AP2A1: variants seen among roughly 807,000 people sequenced by gnomAD.
The protein encoded by AP2A1 is AP-2 complex subunit alpha-1.
AP2A1 carries 21 observed loss-of-function variants against 107.3 expected under a neutral mutation model. The ratio of observed to expected loss-of-function variants is 0.20; its 90% CI spans 0.14 to 0.28. The LOEUF (loss-of-function observed/expected upper bound fraction) is 0.28, where lower values mean the gene tolerates loss of function less well. Ranked by LOEUF, AP2A1 falls within the 10% of genes least tolerant of loss-of-function variation. AP2A1 has a pLI of 1.00. For synonymous variants in AP2A1, 602 were observed against 564.8 expected (o/e 1.07, Z -0.93); for missense variants, 873 against 1,307.7 (o/e 0.67, Z 5.13).
intron 7 of AP2A1, 73 bp downstream of exon 7, chr19:49,795,811 G>T: frequency 8.7e-7 from 1 of 1,154,280 alleles, no homozygotes; most frequent in South Asian, 1.3e-5. Context: ...GCTCCACGGC[G>T]CACCAGGTGG....
intron 4 of AP2A1, among the ~76,000 whole-genome samples, chr19:49,787,703 T>C (rs2073091062): frequency 6.6e-6 from 1 of 151,988 alleles, no homozygotes; most frequent in South Asian, 2.1e-4. Flanking sequence ...TTGATGATGC[T>C]GTGCAACAAC....
intron 1 of AP2A1, among the ~76,000 whole-genome samples, chr19:49,770,530 C>T (rs995995586): frequency 3.3e-5 from 5 of 152,126 alleles, no homozygotes; most frequent in African/African-American, 9.7e-5. Flanking sequence ...TACCTGGACA[C>T]GGATGTTCAC....
Position 49,807,023 on chromosome 19 carries a change from C to CCCA in AP2A1, c.*266_*267insCAC. On this transcript the variant is annotated 3_prime_UTR_variant, in exon 23 of 23. Transcript: ENST00000354293. ...GGCCAGGGAAGTGGATGTCTCCTCCCCTCCCACCCCACCCTGTTGTAGCCC... is the reference window on the plus strand; with the variant it reads ...GGCCAGGGAAGTGGATGTCTCCTCCCCCACTCCCACCCCACCCTGTTGTAGCCC... The CCCA allele has an allele frequency of 6.8e-7, 1 of 1,459,976 alleles. No homozygotes were observed. Among genetic ancestry groups the CCCA allele is most frequent in the Non-Finnish European group, 9.2e-7 (1 of 1,083,712 alleles). The allele number at this position is 1,459,976 out of a possible 1,614,324, so 90.4% of individuals were successfully genotyped here.
chr19:49,776,605 C>T (rs1600217465), intron 1 of AP2A1, among the ~76,000 whole-genome samples: 1 of 149,292 alleles, frequency 6.7e-6, no homozygotes, highest in East Asian at 2.0e-4. Flanking sequence ...GGCTTGCTTG[C>T]CTCCTGTGAC....
intron 11 of AP2A1, 134 bp from the exon 12 acceptor site, chr19:49,800,827 A>C (rs2123749249): frequency 1.5e-6 from 1 of 664,708 alleles, no homozygotes; most frequent in Non-Finnish European, 2.5e-6. Flanking sequence ...CCTTTCTGTG[A>C]CTCAGTTTCC....
In AP2A1 at chr19:49,805,648, T is replaced by C; in HGVS notation, c.2469-13T>C. 6.4e-7 allele frequency: 1 copy of C among 1,557,570 alleles called. No individual in the cohort carries two copies. Among genetic ancestry groups the C allele is most frequent in the South Asian group, 1.2e-5 (1 of 84,474 alleles). ...GGGCGGGGCCTAATGGAGCCTCCCT[T>C]TCACCTCATCAGGTACGGTGGCGCC... On this transcript the variant is annotated splice_polypyrimidine_tract_variant and intron_variant, in intron 19 of 22. Coordinates refer to ENST00000354293, the MANE Select transcript of AP2A1 (RefSeq NM_130787.3).
chr19:49,795,825 T>C (rs2073206840), intron 7 of AP2A1, 87 bp downstream of exon 7: 1 of 1,037,032 alleles, frequency 9.6e-7, no homozygotes, highest in African/African-American at 1.6e-5. Context: ...CAGGTGGGAC[T>C]GGAGGGTCTG....
chr19:49,805,863 G>C lies in AP2A1; in HGVS notation c.2586-9G>C. On this transcript the variant is annotated splice_polypyrimidine_tract_variant and intron_variant, in intron 20 of 22. Coordinates refer to ENST00000354293, the MANE Select transcript of AP2A1 (RefSeq NM_130787.3). ...CCAGGTCCCTGACTTGAACCTTCCC[G>C]GTCCCCAGCCCTCAACAGGAGGCGC... is the stretch of plus-strand genomic sequence containing the variant. 2 of 1,613,610 alleles carry C rather than the reference G, an allele frequency of 1.2e-6. No individual in the cohort carries two copies. The highest frequency in any genetic ancestry group is 8.5e-7 in the Non-Finnish European group (1 of 1,179,868).
intron 4 of AP2A1, among the ~76,000 whole-genome samples, chr19:49,786,711 G>A (rs763394983): frequency 2.0e-5 from 3 of 152,238 alleles, no homozygotes; most frequent in Non-Finnish European, 4.4e-5. Context: ...GCTGCCAGCA[G>A]TTTCTTTAGG....
chr19:49,778,354 A>G (rs2084638098), intron 1 of AP2A1, among the ~76,000 whole-genome samples: 3 of 152,172 alleles, frequency 2.0e-5, no homozygotes, highest in Admixed American at 2.0e-4. Flanking sequence ...AGGCTGAGGC[A>G]GGCAGATCAC....
At chr19:49,805,403 TC>T (rs1476344229) in intron 18 of AP2A1, 49 bp from the exon 19 acceptor site, 1 of 1,485,534 alleles carries the variant, frequency 6.7e-7, no homozygotes, top group East Asian at 2.5e-5. Context: ...GACCCAGACC[TC>T]CCGGGGGCCC....
In AP2A1 at chr19:49,801,472, A is replaced by G. The variant is rs1410937553; in HGVS notation, c.1636A>G (p.Ile546Val). The G allele has an allele frequency of 1.4e-5, 22 of 1,613,520 alleles. No individual in the cohort carries two copies. Among genetic ancestry groups the G allele is most frequent in the Admixed American group, 1.7e-5 (1 of 59,978 alleles). Residue 546 changes from isoleucine (I) to valine (V), a missense_variant, in exon 13 of 23, where the codon ATC becomes GTC. By Grantham distance (29) the Ile-to-Val change is conservative. This residue lies in a region of AP2A1 where 213 missense variants were observed against 443.5 expected (regional missense o/e 0.48). Coordinates refer to ENST00000354293, the MANE Select transcript of AP2A1 (RefSeq NM_130787.3). ...ATRALLLSTY[I>V]KFINLFPETK... ...GCGGGCGCTGCTGCTGTCCACCTAC[A>G]TCAAGTTCATCAACCTCTTCCCCGA...
chr19:49,787,337 TGTTTTTTTTGTTTTTTG>T lies in AP2A1; in HGVS notation c.474-4597_474-4581del, dbSNP rs2084750790. 3.8e-5 allele frequency among the ~76,000 whole-genome samples: 4 copies of T among 106,548 alleles called. 1 individual carries two copies. The highest frequency in any genetic ancestry group is 8.1e-5 in the African/African-American group (2 of 24,614). 69.9% of individuals were successfully genotyped at this position (106,548 alleles called of 152,430 possible). On this transcript the variant is annotated intron_variant, in intron 4 of 22. Transcript: ENST00000354293. ...CACTCCCATCTAGGCTTTTTTTGTT[TGTTTTTTTTGTTTTTTG>T]TTTTTTTTTTTTTGAGGCAGTCTCT...
At position 49,805,591 on chromosome 19, in the gene AP2A1, G is replaced by T. The variant is rs760744405; in HGVS notation, c.2468+15G>T. On this transcript the variant is annotated intron_variant, in intron 19 of 22. Coordinates refer to ENST00000354293, the MANE Select transcript of AP2A1 (RefSeq NM_130787.3). The stretch of plus-strand genomic sequence containing the variant: ...GTGCGCTTCCGGTGAGTCAGGTACG[G>T]CGCGGCCGGTGGGCGGAGCCTCCGG... 4.5e-6 allele frequency: 7 copies of T among 1,565,708 alleles called. No homozygotes were observed. The highest frequency in any genetic ancestry group is 6.1e-6 in the Non-Finnish European group (7 of 1,155,022).
intron 15 of AP2A1, chr19:49,802,630 C>CGGGG: frequency 2.7e-5 from 18 of 659,684 alleles, no homozygotes; most frequent in East Asian, 4.9e-5. Context: ...GGAGGTCGGT[C>CGGGG]GGGGGGGCGG....
At chr19:49,792,159 C>T (rs2073151993) in intron 5 of AP2A1, 95 bp downstream of exon 5, 6 of 1,329,204 alleles carry the variant, frequency 4.5e-6, no homozygotes, top group East Asian at 5.0e-5. Flanking sequence ...AGCCCTCACA[C>T]CCCCGGATAC....
chr19:49,802,871 T>C, intron 15 of AP2A1, 78 bp from the exon 16 acceptor site: 2 of 1,494,794 alleles, frequency 1.3e-6, no homozygotes, highest in Non-Finnish European at 1.8e-6. Context: ...TTAGGGCTTG[T>C]TCTCGCACTC....
intron 11 of AP2A1, among the ~76,000 whole-genome samples, chr19:49,800,403 G>A (rs80232594): frequency 0.021 from 3,201 of 152,356 alleles, 77 homozygotes; most frequent in South Asian, 0.12. Flanking sequence ...CCCGGATCTC[G>A]GTAGTTTCCC....
At chr19:49,799,526 G>C (rs1322329207) in intron 9 of AP2A1, 31 bp downstream of exon 9, 1 of 1,606,074 alleles carries the variant, frequency 6.2e-7, no homozygotes, top group Non-Finnish European at 8.5e-7. Flanking sequence ...CCCCGGGCCT[G>C]CCACCCCCCT....
Sources: allele counts gnomAD v4.1 joint callset (sites outside exome capture counted in the v4.1 genomes callset), GRCh38; gene constraint gnomAD v4.1.1; regional missense constraint gnomAD v4.1.1; transcripts MANE v1.5; gene names NCBI Gene and HGNC (gene_info 2026-07-23, HGNC 2026-07-21).